The following ST6GALNAC3 variants were observed in gnomAD, a reference collection of about 807,000 sequenced individuals.
The protein encoded by ST6GALNAC3 is ST6 N-acetylgalactosaminide alpha-2,6-sialyltransferase 3, also known as alpha-N-acetylgalactosaminide alpha-2,6-sialyltransferase 3.
Under a neutral mutation model 32.7 loss-of-function variants are expected in ST6GALNAC3, and 25 were observed. That is an observed-to-expected ratio of 0.76 (90% CI 0.56 to 1.07). ST6GALNAC3 has a LOEUF of 1.07. ST6GALNAC3 is among the 50% of genes least tolerant of loss of function. The pLI is 0.00. For missense variants in ST6GALNAC3, 355 were observed against 382.4 expected (o/e 0.93, Z 0.60); for synonymous variants, 129 against 133.1 (o/e 0.97, Z 0.21).
At chr1:76,625,813 G>A (rs1284970204) in intron 3 of ST6GALNAC3, among the ~76,000 whole-genome samples, 3 of 151,830 alleles carry the variant, frequency 2.0e-5, no homozygotes, top group Non-Finnish European at 2.9e-5. Context: ...CTGTCACAGA[G>A]GAAAGTGCAT....
chr1:76,129,244 C>G (rs562122917), intron 1 of ST6GALNAC3, among the ~76,000 whole-genome samples: 4 of 152,260 alleles, frequency 2.6e-5, no homozygotes, highest in African/African-American at 9.6e-5. Context: ...GCATAACTTC[C>G]AAGTTAGAGT....
intron 3 of ST6GALNAC3, among the ~76,000 whole-genome samples, chr1:76,413,687 C>T (rs1177852931): frequency 2.6e-5 from 4 of 152,064 alleles, no homozygotes; most frequent in East Asian, 1.9e-4. Context: ...ACTAGTTCCT[C>T]GGACTGTATG....
At chr1:76,354,900 G>T (rs1649314694) in intron 2 of ST6GALNAC3, among the ~76,000 whole-genome samples, 2 of 152,040 alleles carry the variant, frequency 1.3e-5, no homozygotes, top group African/African-American at 4.8e-5. Context: ...AGACTGTTTT[G>T]GTAAGCTTTT....
chr1:76,514,001 T>C (rs1662025942), intron 3 of ST6GALNAC3, among the ~76,000 whole-genome samples: 1 of 152,220 alleles, frequency 6.6e-6, no homozygotes, highest in African/African-American at 2.4e-5. Context: ...TTTTTGTATG[T>C]TGATTTAGTG....
rs371627720 is a variant in ST6GALNAC3 at position 76,489,089 on chromosome 1, A to G, written c.623+76672A>G. 9.9e-5 allele frequency among the ~76,000 whole-genome samples: 15 copies of G among 152,282 alleles called. 1 individual carries two copies. The South Asian group carries it at 2.3e-3, about 23-fold the overall frequency. On this transcript the variant is annotated intron_variant, in intron 3 of 4. Coordinates refer to ENST00000328299, the MANE Select transcript of ST6GALNAC3 (RefSeq NM_152996.4). The stretch of plus-strand genomic sequence containing the variant: ...TTATATCTCCAGTGCCTGGCATCGT[A>G]CTTGGAAAAAAGTAGTTGTTTAGTC...
At chr1:76,212,317 T>C (rs1655212562) in intron 1 of ST6GALNAC3, among the ~76,000 whole-genome samples, 1 of 152,176 alleles carries the variant, frequency 6.6e-6, no homozygotes, top group East Asian at 1.9e-4. Context: ...ACAATCTCAT[T>C]TTGTTAAAAT....
In ST6GALNAC3 at chr1:76,595,757, G is replaced by C. The variant is rs145746853; in HGVS notation, c.624-31695G>C. Among the ~76,000 whole-genome samples the C allele has an allele frequency of 2.7e-3, 405 of 152,132 alleles. 1 individual carries two copies. Among genetic ancestry groups the C allele is most frequent in the Non-Finnish European group, 1.9e-3 (130 of 67,992 alleles). ...TTGCAGTTACATATATAAAAGTGAAGTTATAGATTTTAAACATTTGCATAT... is the reference window on the plus strand; with the variant it reads ...TTGCAGTTACATATATAAAAGTGAACTTATAGATTTTAAACATTTGCATAT... On this transcript the variant is annotated intron_variant, in intron 3 of 4. Coordinates refer to ENST00000328299, the MANE Select transcript of ST6GALNAC3 (RefSeq NM_152996.4).
intron 2 of ST6GALNAC3, among the ~76,000 whole-genome samples, chr1:76,378,989 C>T (rs901616543): frequency 6.6e-6 from 1 of 152,138 alleles, no homozygotes; most frequent in African/African-American, 2.4e-5. Flanking sequence ...CTCTGCCGCC[C>T]GAGCGGCAAG....
At chr1:76,215,911 G>A (rs1288380909) in intron 1 of ST6GALNAC3, among the ~76,000 whole-genome samples, 1 of 152,154 alleles carries the variant, frequency 6.6e-6, no homozygotes, top group Non-Finnish European at 1.5e-5. Context: ...GAGATGGTGG[G>A]CTTGCCAGGC....
chr1:76,221,620 A>ACAAT (rs1414148419), intron 1 of ST6GALNAC3, among the ~76,000 whole-genome samples: 1 of 152,152 alleles, frequency 6.6e-6, no homozygotes, highest in East Asian at 1.9e-4. Flanking sequence ...CAGTGATTCA[A>ACAAT]CAATCAGGCT....
At chr1:76,555,028 T>G (rs1664837542) in intron 3 of ST6GALNAC3, among the ~76,000 whole-genome samples, 1 of 152,186 alleles carries the variant, frequency 6.6e-6, no homozygotes, top group South Asian at 2.1e-4. Context: ...ATTTTTCTTC[T>G]GTAAAATGGA....
Position 76,628,817 on chromosome 1 carries a change from C to T in ST6GALNAC3, c.*11C>T. On this transcript the variant is annotated 3_prime_UTR_variant, in exon 5 of 5. Transcript: ENST00000328299. ...TGGACATTGTCTTGATAATGGTTTTCCTGATCTTGCCGCATCACTTAATGT... is the reference window on the plus strand; with the variant it reads ...TGGACATTGTCTTGATAATGGTTTTTCTGATCTTGCCGCATCACTTAATGT... 6.2e-7 allele frequency: 1 copy of T among 1,608,868 alleles called. No homozygotes were observed. Among genetic ancestry groups the T allele is most frequent in the Non-Finnish European group, 8.5e-7 (1 of 1,177,708 alleles).
At chr1:76,155,344 G>T (rs1238989423) in intron 1 of ST6GALNAC3, among the ~76,000 whole-genome samples, 1 of 152,192 alleles carries the variant, frequency 6.6e-6, no homozygotes, top group African/African-American at 2.4e-5. Flanking sequence ...AATTATTATA[G>T]AGAATTACTA....
intron 1 of ST6GALNAC3, among the ~76,000 whole-genome samples, chr1:76,238,941 C>T (rs895726545): frequency 1.4e-5 from 2 of 145,676 alleles, no homozygotes; most frequent in African/African-American, 5.3e-5. Context: ...GCCTGTTTCC[C>T]ACTAACCTTT....
At chr1:76,244,936 T>C (rs1657174344) in intron 1 of ST6GALNAC3, among the ~76,000 whole-genome samples, 1 of 151,582 alleles carries the variant, frequency 6.6e-6, no homozygotes. Context: ...AGACACAGGA[T>C]GCTGGCCTCA....
At chr1:76,586,191 G>C (rs572095387) in intron 3 of ST6GALNAC3, among the ~76,000 whole-genome samples, 3 of 152,306 alleles carry the variant, frequency 2.0e-5, no homozygotes, top group South Asian at 4.1e-4. Context: ...CACAGGCACT[G>C]TATAAACTAT....
chr1:76,217,689 C>T (rs1431913497), intron 1 of ST6GALNAC3, among the ~76,000 whole-genome samples: 5 of 152,178 alleles, frequency 3.3e-5, no homozygotes, highest in Non-Finnish European at 7.3e-5. Context: ...TCTCCTGAGT[C>T]CCCAAAGTCC....
chr1:76,577,494 C>A (rs371702614), intron 3 of ST6GALNAC3, among the ~76,000 whole-genome samples: 2 of 152,036 alleles, frequency 1.3e-5, no homozygotes, highest in South Asian at 4.1e-4. Flanking sequence ...ATTTATAAAT[C>A]ATGTCATAAA....
chr1:76,431,854 G>T (rs551769061), intron 3 of ST6GALNAC3, among the ~76,000 whole-genome samples: 1 of 152,160 alleles, frequency 6.6e-6, no homozygotes, highest in Admixed American at 6.5e-5. Flanking sequence ...AGAGTCCACA[G>T]CTTACATTAG....
Sources: gnomAD v4.1 joint callset for allele counts (sites outside exome capture counted in the v4.1 genomes callset) on GRCh38, gnomAD v4.1.1 for gene constraint, MANE v1.5 for transcripts, NCBI Gene and HGNC (gene_info 2026-07-23, HGNC 2026-07-21) for gene names.